The following RBL2 variants were observed in gnomAD, a reference collection of about 807,000 sequenced individuals.
RBL2 encodes retinoblastoma-like protein 2.
RBL2 carries 56 observed loss-of-function variants against 126.0 expected under a neutral mutation model. That is an observed-to-expected ratio of 0.44 (90% confidence interval 0.36 to 0.56). RBL2 has a LOEUF of 0.56. Ranked by LOEUF, RBL2 falls within the 20% of genes least tolerant of loss-of-function variation. The pLI is 0.00. For synonymous variants in RBL2, 454 were observed against 478.5 expected (o/e 0.95, Z 0.67); for missense variants, 1,229 against 1,398.2 (o/e 0.88, Z 1.93).
chr16:53,459,135 A>C (rs187012541), intron 8 of RBL2, among the ~76,000 whole-genome samples: 2 of 152,220 alleles, frequency 1.3e-5, no homozygotes, highest in African/African-American at 4.8e-5. Context: ...TCCGAGCATA[A>C]GTTTTACAAG....
chr16:53,446,966 C>T, intron 3 of RBL2, 76 bp from the exon 4 acceptor site: 1 of 857,146 alleles, frequency 1.2e-6, no homozygotes, highest in Non-Finnish European at 1.8e-6. Context: ...TATTTTACAC[C>T]TGATTTATAA....
chr16:53,457,869 ACTG>A (rs1431242786), intron 8 of RBL2, among the ~76,000 whole-genome samples: 1 of 152,182 alleles, frequency 6.6e-6, no homozygotes, highest in Non-Finnish European at 1.5e-5. Flanking sequence ...CTGTGAAACT[ACTG>A]CTGCCTGTGG....
intron 4 of RBL2, chr16:53,448,991 C>G (rs1207594116): frequency 2.0e-5 from 3 of 152,242 alleles, no homozygotes; most frequent in Admixed American, 2.0e-4. Context: ...CGCCATCCTT[C>G]CTTCCCTGAG....
rs1387560403 is a variant in RBL2, at chr16:53,469,947, G to A, written c.2007G>A (p.Arg669=). The A allele has an allele frequency of 6.2e-7, 1 of 1,607,560 alleles. No homozygotes were observed. Among genetic ancestry groups the A allele is most frequent in the Non-Finnish European group, 8.5e-7 (1 of 1,175,916 alleles). ...SITSPTTLYD[R]YSSPPASTTR... is the part of the protein sequence containing the mutation. ...CATCTCCAACCACATTATACGATAG[G>A]TACAGCTCCCCACCAGCCAGCACTA... The change falls in exon 15 of 22, where the codon AGG becomes AGA. Residue 669 remains arginine (R), a synonymous_variant. Coordinates refer to ENST00000262133, the MANE Select transcript of RBL2 (RefSeq NM_005611.4).
chr16:53,470,947 G>C (rs1211805150), intron 17 of RBL2, 25 bp downstream of exon 17: 1 of 1,585,576 alleles, frequency 6.3e-7, no homozygotes, highest in Non-Finnish European at 8.6e-7. Context: ...GAATTGTAAA[G>C]GCAAAGATAG....
chr16:53,483,480 G>A (rs1041810486), intron 21 of RBL2, among the ~76,000 whole-genome samples: 11 of 152,190 alleles, frequency 7.2e-5, no homozygotes, highest in Admixed American at 6.5e-4. Context: ...CAAGGCTGCG[G>A]TGAGCTATGG....
intron 3 of RBL2, 37 bp from the exon 4 acceptor site, chr16:53,447,005 C>G: frequency 1.5e-6 from 2 of 1,295,998 alleles, no homozygotes; most frequent in Non-Finnish European, 2.1e-6. Context: ...TCTGATTCTT[C>G]TGTTGTCTCA....
At chr16:53,459,851 T>C (rs1194279049) in intron 9 of RBL2, among the ~76,000 whole-genome samples, 2 of 150,600 alleles carry the variant, frequency 1.3e-5, no homozygotes, top group Non-Finnish European at 1.5e-5. Context: ...CACCAGACAG[T>C]GTAGAGTAAA....
intron 8 of RBL2, among the ~76,000 whole-genome samples, chr16:53,457,789 C>G (rs2058183591): frequency 6.6e-6 from 1 of 152,212 alleles, no homozygotes; most frequent in Non-Finnish European, 1.5e-5. Flanking sequence ...CACAGTGCTA[C>G]CAAGAAGCAC....
At chr16:53,473,123 A>G (rs878918127) in intron 17 of RBL2, among the ~76,000 whole-genome samples, 1 of 152,166 alleles carries the variant, frequency 6.6e-6, no homozygotes, top group African/African-American at 2.4e-5. Flanking sequence ...TAAGTTTTGA[A>G]ATTGGGAAAT....
At chr16:53,449,234 CTGTTT>C (rs1050949859) in intron 4 of RBL2, 3 of 151,948 alleles carry the variant, frequency 2.0e-5, no homozygotes, top group Non-Finnish European at 4.4e-5. Flanking sequence ...GGATTTTTAT[CTGTTT>C]TGTTTGTCTT....
At chr16:53,444,749 G>A (rs2058046354) in intron 3 of RBL2, among the ~76,000 whole-genome samples, 1 of 151,916 alleles carries the variant, frequency 6.6e-6, no homozygotes, top group Non-Finnish European at 1.5e-5. Context: ...TTGAGAGGCT[G>A]AGGCAGGTGA....
chr16:53,456,836 T>C (rs1050149864), intron 8 of RBL2, among the ~76,000 whole-genome samples: 24 of 152,172 alleles, frequency 1.6e-4, no homozygotes, highest in African/African-American at 5.3e-4. Flanking sequence ...AACCACAACA[T>C]CCTCCCCAAC....
At chr16:53,478,495 C>G (rs1014429047) in intron 17 of RBL2, among the ~76,000 whole-genome samples, 1 of 147,306 alleles carries the variant, frequency 6.8e-6, no homozygotes, top group African/African-American at 2.5e-5. Context: ...TTTCTTCATT[C>G]TTTCTCTGTT....
Position 53,461,817 on chromosome 16 carries a change from CAG to C in RBL2, c.1424_1425del (p.Gln475ProfsTer7). On this transcript the variant is annotated frameshift_variant, in exon 10 of 22. Transcript: ENST00000262133. LOFTEE classifies it high-confidence loss of function. ...GTTTGAAATATATTCTCAGCATTTC[CAG>C]CCAGACGAGGATTTCAGTAATTGTG... ...EMFEIYSQHF[Q>X]PDEDFSNCAK... 6.2e-7 allele frequency: 1 copy of C among 1,612,376 alleles called. No homozygotes were observed. Among genetic ancestry groups the C allele is most frequent in the Non-Finnish European group, 8.5e-7 (1 of 1,179,096 alleles).
intron 18 of RBL2, 69 bp from the exon 19 acceptor site, chr16:53,479,817 A>G: frequency 2.0e-6 from 2 of 1,004,090 alleles, no homozygotes; most frequent in South Asian, 3.1e-5. Context: ...AACATATGTG[A>G]AGGTCCTATC....
intron 5 of RBL2, among the ~76,000 whole-genome samples, chr16:53,452,666 A>G (rs896686299): frequency 6.6e-6 from 1 of 151,816 alleles, no homozygotes; most frequent in African/African-American, 2.4e-5. Context: ...GTTTTAAATT[A>G]AAAAGAATTT....
chr16:53,476,437 C>T lies in RBL2; in HGVS notation c.2704-2717C>T, dbSNP rs550426667. ...CTCTATCCTAATGAATTTCAAAGTA[C>T]ATTTGAGAACAGTGTGTATTCTGTG... On this transcript the variant is annotated intron_variant, in intron 17 of 21. Coordinates refer to ENST00000262133, the MANE Select transcript of RBL2 (RefSeq NM_005611.4). Among the ~76,000 whole-genome samples the T allele has an allele frequency of 2.6e-5, 4 of 152,248 alleles. No homozygotes were observed. In the South Asian group the frequency reaches 8.3e-4, roughly 32 times the overall value.
intron 3 of RBL2, among the ~76,000 whole-genome samples, chr16:53,445,145 G>A (rs1598091442): frequency 6.6e-6 from 1 of 151,934 alleles, no homozygotes; most frequent in Non-Finnish European, 1.5e-5. Flanking sequence ...TGGACAGTAT[G>A]GCGAAACTTC....
Sources: allele counts gnomAD v4.1 joint callset (sites outside exome capture counted in the v4.1 genomes callset), GRCh38; gene constraint gnomAD v4.1.1; transcripts MANE v1.5; gene names NCBI Gene and HGNC (gene_info 2026-07-23, HGNC 2026-07-21).